CPNE4: variants seen among roughly 807,000 people sequenced by gnomAD.
CPNE4 encodes copine-4.
CPNE4 carries 25 observed loss-of-function variants against 67.9 expected under a neutral mutation model. That is an observed-to-expected ratio of 0.37 (90% confidence interval 0.27 to 0.51). The LOEUF is 0.51. Ranked by LOEUF, CPNE4 falls within the 20% of genes least tolerant of loss-of-function variation. The pLI, the probability that CPNE4 is intolerant of heterozygous loss-of-function variation, is 0.93. For missense variants in CPNE4, 464 were observed against 690.8 expected, an observed-to-expected ratio of 0.67 and a Z score of 3.68; for synonymous variants, 242 against 244.9, an observed-to-expected ratio of 0.99 and a Z score of 0.11.
chr3:131,642,933 G>A (rs950048401), intron 7 of CPNE4, among the ~76,000 whole-genome samples: 1 of 152,176 alleles, frequency 6.6e-6, no homozygotes, highest in African/African-American at 2.4e-5. Context: ...AGAGAGTGGG[G>A]TTCTGCTATA....
intron 8 of CPNE4, among the ~76,000 whole-genome samples, chr3:131,583,305 C>T (rs998370162): frequency 1.3e-5 from 2 of 152,128 alleles, no homozygotes; most frequent in Non-Finnish European, 2.9e-5. Flanking sequence ...GAATTATAGT[C>T]CATCTCAAAG....
At chr3:131,823,482 A>G (rs2085038708) in intron 2 of CPNE4, among the ~76,000 whole-genome samples, 2 of 152,208 alleles carry the variant, frequency 1.3e-5, no homozygotes, top group African/African-American at 4.8e-5. Context: ...CCACAAGTTG[A>G]TGGGATTGAA....
chr3:131,739,364 C>A (rs1014148378), intron 2 of CPNE4, among the ~76,000 whole-genome samples: 1 of 152,214 alleles, frequency 6.6e-6, no homozygotes, highest in Non-Finnish European at 1.5e-5. Context: ...TCACTTCTTG[C>A]TCACAGAGAA....
intron 2 of CPNE4, among the ~76,000 whole-genome samples, chr3:131,738,851 TTTC>T (rs2082296887): frequency 8.8e-6 from 1 of 113,492 alleles, no homozygotes; most frequent in African/African-American, 2.7e-5. Flanking sequence ...TCTTTTTCTT[TTTC>T]TTTTTTTTTT....
intron 7 of CPNE4, among the ~76,000 whole-genome samples, chr3:131,630,495 A>C (rs2107776636): frequency 6.6e-6 from 1 of 152,356 alleles, no homozygotes; most frequent in South Asian, 2.1e-4. Flanking sequence ...AAGTGAGTGG[A>C]AGAAACAAAG....
At chr3:132,019,442 G>A (rs2073948569) in intron 1 of CPNE4, among the ~76,000 whole-genome samples, 2 of 152,050 alleles carry the variant, frequency 1.3e-5, no homozygotes, top group Non-Finnish European at 2.9e-5. Context: ...AAATTAATAG[G>A]TACAGTATTG....
intron 2 of CPNE4, among the ~76,000 whole-genome samples, chr3:131,842,543 T>C (rs556126388): frequency 1.3e-5 from 2 of 152,208 alleles, no homozygotes; most frequent in East Asian, 3.9e-4. Flanking sequence ...GAGAATCACT[T>C]AGATAAGAAG....
At chr3:131,993,065 G>T (rs567366172) in intron 1 of CPNE4, among the ~76,000 whole-genome samples, 1 of 135,980 alleles carries the variant, frequency 7.4e-6, no homozygotes, top group African/African-American at 2.5e-5. Flanking sequence ...GATAATGGAG[G>T]TTGAAGAGAT....
At chr3:131,799,700 C>T (rs1178326630) in intron 2 of CPNE4, among the ~76,000 whole-genome samples, 2 of 152,160 alleles carry the variant, frequency 1.3e-5, no homozygotes, top group Non-Finnish European at 2.9e-5. Flanking sequence ...TCCCCTTCAG[C>T]CACTGCAATC....
chr3:131,593,362 A>G (rs971703216), intron 7 of CPNE4, among the ~76,000 whole-genome samples: 1 of 152,212 alleles, frequency 6.6e-6, no homozygotes, highest in Admixed American at 6.5e-5. Context: ...TTTTCAGTGT[A>G]GAAGCCTTTC....
chr3:131,665,624 A>C (rs1230452431), intron 7 of CPNE4, among the ~76,000 whole-genome samples: 3 of 152,030 alleles, frequency 2.0e-5, no homozygotes, highest in Non-Finnish European at 2.9e-5. Context: ...GCGCCACTGC[A>C]ATCCAGCCTG....
At chr3:131,743,345 C>T (rs11924905) in intron 2 of CPNE4, among the ~76,000 whole-genome samples, 42,040 of 151,966 alleles carry the variant, frequency 0.28, 5,934 homozygotes, top group Middle Eastern at 0.32. Context: ...CTAACCTTTA[C>T]AAAATAGATA....
chr3:131,569,079 G>A (rs1003393967), intron 10 of CPNE4, among the ~76,000 whole-genome samples: 6 of 151,908 alleles, frequency 3.9e-5, no homozygotes, highest in African/African-American at 1.5e-4. Context: ...TTCTAAGAGG[G>A]CAGTTAAATA....
At chr3:131,646,053 T>C (rs2079655363) in intron 7 of CPNE4, among the ~76,000 whole-genome samples, 1 of 152,186 alleles carries the variant, frequency 6.6e-6, no homozygotes, top group Non-Finnish European at 1.5e-5. Context: ...TACTCTGTGA[T>C]TCACTAAGGA....
chr3:131,543,588 T>A (rs987119749), intron 14 of CPNE4, among the ~76,000 whole-genome samples: 1 of 152,244 alleles, frequency 6.6e-6, no homozygotes, highest in Non-Finnish European at 1.5e-5. Context: ...ATTAATAATT[T>A]TTTTATATGG....
At chr3:131,643,281 T>C (rs1444084237) in intron 7 of CPNE4, among the ~76,000 whole-genome samples, 1 of 152,170 alleles carries the variant, frequency 6.6e-6, no homozygotes, top group Non-Finnish European at 1.5e-5. Context: ...GTGGAAGGTA[T>C]CTGGATGTGA....
chr3:131,562,960 T>C (rs1281823161), intron 11 of CPNE4, among the ~76,000 whole-genome samples: 1 of 152,092 alleles, frequency 6.6e-6, no homozygotes, highest in Non-Finnish European at 1.5e-5. Context: ...TTGATTTTAC[T>C]GGACCTGCTC....
At chr3:131,992,700 C>T (rs1283523276) in intron 1 of CPNE4, among the ~76,000 whole-genome samples, 1 of 135,472 alleles carries the variant, frequency 7.4e-6, no homozygotes, top group African/African-American at 2.5e-5. Flanking sequence ...TTGGCTGTGT[C>T]CCCACCCAAA....
chr3:131,797,352 T>G (rs1477036044), intron 2 of CPNE4, among the ~76,000 whole-genome samples: 1 of 152,134 alleles, frequency 6.6e-6, no homozygotes, highest in Non-Finnish European at 1.5e-5. Context: ...TCCATGATTT[T>G]TGAAGCATGA....
Sources: gnomAD v4.1 joint callset for allele counts (sites outside exome capture counted in the v4.1 genomes callset) on GRCh38, gnomAD v4.1.1 for gene constraint, MANE v1.5 for transcripts, NCBI Gene and HGNC (gene_info 2026-07-23, HGNC 2026-07-21) for gene names.